Variants in SOX5 observed in about 807,000 individuals in gnomAD.
SOX5 encodes the protein transcription factor SOX-5.
A neutral mutation model predicts 92.0 loss-of-function variants in SOX5; 9 were observed. The observed-to-expected ratio is 0.10, with a 90% confidence interval of 0.06 to 0.17. The LOEUF is 0.17. Ranked by LOEUF, SOX5 falls within the 10% of genes least tolerant of loss-of-function variation. SOX5 has a pLI of 1.00. For synonymous variants in SOX5, 344 were observed against 336.3 expected, an observed-to-expected ratio of 1.02 and a Z score of -0.25; for missense variants, 642 against 944.5, an observed-to-expected ratio of 0.68 and a Z score of 4.20.
chr12:24,205,456 A>T (rs1006679123), intron 4 of SOX5, among the ~76,000 whole-genome samples: 1 of 152,198 alleles, frequency 6.6e-6, no homozygotes, highest in African/African-American at 2.4e-5. Flanking sequence ...AATTTTATAG[A>T]TGAGGAAACA....
chr12:23,604,459 G>A lies in SOX5; in HGVS notation c.1092C>T (p.Asn364=). The change falls in exon 9 of 15, where the codon AAC becomes AAT. Residue 364 remains asparagine, a synonymous_variant. Transcript: ENST00000451604. ...TGGTAGGAGATACAGCAGCACCAAG[G>A]TTGCCTTGGGGTATGCCTGGCAGCT... is the stretch of plus-strand genomic sequence containing the variant. The part of the protein sequence containing the change: ...GGKLPGIPQG[N]LGAAVSPTSI... 2.5e-6 allele frequency: 4 copies of A among 1,613,846 alleles called. No individual in the cohort carries two copies. Among genetic ancestry groups the A allele is most frequent in the Non-Finnish European group, 3.4e-6 (4 of 1,179,826 alleles).
At position 24,114,259 on chromosome 12, in the gene SOX5, A is replaced by T. The variant is rs971613366; in HGVS notation, c.-2+99084T>A. ...AGAATGCAGGGAAGAAAATTTTTTT[A>T]AAAAAATCTTAAATTAAAATATTCA... On this transcript the variant is annotated intron_variant, in intron 4 of 4. Transcript: ENST00000446891. 1.0e-3 allele frequency among the ~76,000 whole-genome samples: 156 copies of T among 152,168 alleles called. 1 individual carries two copies. The highest frequency in any genetic ancestry group is 1.7e-3 in the African/African-American group (72 of 41,558).
chr12:23,877,324 T>A (rs1395863216), intron 2 of SOX5, among the ~76,000 whole-genome samples: 1 of 152,026 alleles, frequency 6.6e-6, no homozygotes, highest in Non-Finnish European at 1.5e-5. Context: ...TTATTCAGAG[T>A]GGATATTCTC....
At chr12:24,402,903 T>G (rs1962082282) in intron 1 of SOX5, among the ~76,000 whole-genome samples, 1 of 152,174 alleles carries the variant, frequency 6.6e-6, no homozygotes, top group African/African-American at 2.4e-5. Context: ...TCCTAAAGCT[T>G]GTAACTTCTA....
intron 1 of SOX5, among the ~76,000 whole-genome samples, chr12:24,505,245 G>A (rs569639944): frequency 6.6e-6 from 1 of 152,254 alleles, no homozygotes; most frequent in Admixed American, 6.5e-5. Context: ...GGGCTCAACA[G>A]AACTTGACTG....
rs546124597 is a variant in SOX5, at chr12:24,052,179, C to A, written c.-1-156155G>T. Among the ~76,000 whole-genome samples, 10 of 152,122 alleles carry A rather than the reference C, an allele frequency of 6.6e-5. No individual in the cohort carries two copies. The South Asian group carries it at 1.9e-3, about 28-fold the overall frequency. On this transcript the variant is annotated intron_variant, in intron 4 of 4. Coordinates refer to the SOX5 transcript ENST00000446891. ...GATCCCAGAAATCTACCATTTGGCCCCTTGTTTCATGCCCTACCCAGAGAA... is the reference window on the plus strand; with the variant it reads ...GATCCCAGAAATCTACCATTTGGCCACTTGTTTCATGCCCTACCCAGAGAA...
intron 5 of SOX5, among the ~76,000 whole-genome samples, chr12:23,735,433 G>A (rs977654632): frequency 2.6e-5 from 4 of 152,046 alleles, no homozygotes; most frequent in Non-Finnish European, 5.9e-5. Flanking sequence ...TTTCTCTGTT[G>A]GCTTCTGTGA....
chr12:24,010,368 T>G (rs868042557), intron 4 of SOX5, among the ~76,000 whole-genome samples: 2 of 152,160 alleles, frequency 1.3e-5, no homozygotes, highest in South Asian at 4.1e-4. Flanking sequence ...TATGTGTGTA[T>G]GGAGGAAAGA....
chr12:24,239,774 A>G (rs1965214809), intron 3 of SOX5, among the ~76,000 whole-genome samples: 1 of 152,236 alleles, frequency 6.6e-6, no homozygotes. Flanking sequence ...GAAGAGTCTC[A>G]TCTTAGAACC....
intron 3 of SOX5, among the ~76,000 whole-genome samples, chr12:24,221,643 A>C (rs1297657351): frequency 6.6e-6 from 1 of 152,258 alleles, no homozygotes; most frequent in Non-Finnish European, 1.5e-5. Flanking sequence ...CAATGTGATC[A>C]CAGCAGGGAA....
intron 4 of SOX5, among the ~76,000 whole-genome samples, chr12:24,138,908 C>T (rs1950329399): frequency 6.6e-6 from 1 of 152,116 alleles, no homozygotes; most frequent in Admixed American, 6.6e-5. Context: ...ATAGATTATA[C>T]CTCGACTCCT....
chr12:23,768,053 C>T (rs1364974495), intron 3 of SOX5, among the ~76,000 whole-genome samples: 1 of 152,074 alleles, frequency 6.6e-6, no homozygotes, highest in Admixed American at 6.5e-5. Flanking sequence ...CCATGCTTTC[C>T]TAATGAGTCA....
At chr12:23,939,181 T>G (rs1302076577) in intron 1 of SOX5, among the ~76,000 whole-genome samples, 1 of 151,108 alleles carries the variant, frequency 6.6e-6, no homozygotes, top group Non-Finnish European at 1.5e-5. Context: ...GTTCTAATTC[T>G]TGATTTAGAA....
At chr12:24,469,971 A>C (rs190526935) in intron 1 of SOX5, among the ~76,000 whole-genome samples, 37 of 152,316 alleles carry the variant, frequency 2.4e-4, no homozygotes, top group Middle Eastern at 3.4e-3. Flanking sequence ...CATGAAAAAC[A>C]AAAAAAGAAA....
At chr12:23,588,754 T>C (rs1202973608) in intron 9 of SOX5, among the ~76,000 whole-genome samples, 1 of 151,218 alleles carries the variant, frequency 6.6e-6, no homozygotes, top group Non-Finnish European at 1.5e-5. Context: ...CACACACATA[T>C]GTACACATAT....
At chr12:24,022,695 C>T (rs1954439510) in intron 4 of SOX5, among the ~76,000 whole-genome samples, 1 of 152,060 alleles carries the variant, frequency 6.6e-6, no homozygotes, top group Non-Finnish European at 1.5e-5. Flanking sequence ...CATACACATG[C>T]CCATGCCTAA....
Position 24,496,116 on chromosome 12 carries a change from G to A in SOX5, c.-251+66213C>T, listed in dbSNP as rs1015792244. On this transcript the variant is annotated intron_variant, in intron 1 of 4. Coordinates refer to the SOX5 transcript ENST00000446891. ...AAGAACAGTAGTCTCTATACTCCCC[G>A]ATCCAAAAAGTGGGGGTTGAAGGGG... Among the ~76,000 whole-genome samples, 10 of 152,202 alleles carry A rather than the reference G, an allele frequency of 6.6e-5. No individual in the cohort carries two copies. The East Asian group carries it at 7.7e-4, about 12-fold the overall frequency.
At position 24,523,664 on chromosome 12, in the gene SOX5, G is replaced by A. The variant is rs543293139; in HGVS notation, c.-251+38665C>T. Among the ~76,000 whole-genome samples the A allele has an allele frequency of 5.4e-4, 82 of 152,218 alleles. 1 individual carries two copies. Among genetic ancestry groups the A allele is most frequent in the African/African-American group, 1.7e-3 (71 of 41,524 alleles). On this transcript the variant is annotated intron_variant, in intron 1 of 4. Transcript: ENST00000446891. Reference sequence around the variant, plus strand: ...AAGGAATAGTCTCTTCAGAAAAATCGTGCTGGGAAAACTGGATATTCATAG... The same window carrying A: ...AAGGAATAGTCTCTTCAGAAAAATCATGCTGGGAAAACTGGATATTCATAG...
intron 1 of SOX5, among the ~76,000 whole-genome samples, chr12:24,540,061 T>C (rs2138785041): frequency 6.6e-6 from 1 of 152,246 alleles, no homozygotes; most frequent in South Asian, 2.1e-4. Context: ...ATATGCATTA[T>C]GTAAGATGCT....
Sources: gnomAD v4.1 joint callset for allele counts (sites outside exome capture counted in the v4.1 genomes callset) on GRCh38, gnomAD v4.1.1 for gene constraint, MANE v1.5 for transcripts, NCBI Gene and HGNC (gene_info 2026-07-23, HGNC 2026-07-21) for gene names.